The following KCNQ2 variants were observed in gnomAD, a reference collection of about 807,000 sequenced individuals.
KCNQ2 encodes potassium voltage-gated channel subfamily Q member 2.
In KCNQ2, 14 loss-of-function variants were observed where a neutral mutation model predicts 84.8. That is an observed-to-expected ratio of 0.17 (90% CI 0.11 to 0.26). The LOEUF is 0.26. Ranked by LOEUF, KCNQ2 falls within the 10% of genes least tolerant of loss-of-function variation. The pLI, the probability that KCNQ2 is intolerant of heterozygous loss-of-function variation, is 1.00. For missense variants in KCNQ2, 788 were observed against 1,254.0 expected, an observed-to-expected ratio of 0.63 and a Z score of 5.61; for synonymous variants, 599 against 554.1, an observed-to-expected ratio of 1.08 and a Z score of -1.14.
intron 8 of KCNQ2, chr20:63,433,548 C>T (rs1212338548): frequency 3.0e-6 from 2 of 664,098 alleles, no homozygotes; most frequent in Non-Finnish European, 5.0e-6. Flanking sequence ...GTCCTTGCAA[C>T]GCACAAAACA....
In KCNQ2 at chr20:63,407,136, A is replaced by G. The variant is rs113174319; in HGVS notation, c.2127T>C (p.Pro709=). The change falls in exon 17 of 17, where the codon CCT becomes CCC. Residue 709 remains proline, a synonymous_variant. Coordinates refer to ENST00000359125, the MANE Select transcript of KCNQ2 (RefSeq NM_172107.4). This position sits in a 1 kb window ranked among gnomAD's most constrained non-coding sequence, Gnocchi z 7.2. ...AGGAGGTGGAGGGCGGACACTGGAC[A>G]GGGGGCGCGGCCGGGGGCGCCGAGA... ...KNFSAPPAAP[P]VQCPPSTSWQ... 2.7e-5 allele frequency: 43 copies of G among 1,566,476 alleles called. 1 individual carries two copies. In the African/African-American group the frequency reaches 4.6e-4, roughly 17 times the overall value.
intron 4 of KCNQ2, among the ~76,000 whole-genome samples, chr20:63,443,130 C>T: frequency 1.0e-5 from 1 of 96,676 alleles, no homozygotes; most frequent in African/African-American, 4.0e-5. Context: ...TCACCACCAC[C>T]ACCATCATCA....
At chr20:63,449,770 G>A (rs1177207649) in intron 1 of KCNQ2, among the ~76,000 whole-genome samples, 1 of 152,214 alleles carries the variant, frequency 6.6e-6, no homozygotes, top group African/African-American at 2.4e-5. Flanking sequence ...CCTGCAGGGA[G>A]ACTTCTCAGA....
intron 11 of KCNQ2, among the ~76,000 whole-genome samples, chr20:63,421,520 G>A (rs2080469766): frequency 6.6e-6 from 1 of 152,168 alleles, no homozygotes; most frequent in South Asian, 2.1e-4. Flanking sequence ...ATCAGCCACA[G>A]GGAGCTCCAC....
Position 63,415,142 on chromosome 20 carries a change from C to CTGA in KCNQ2, c.1302-17_1302-16insTCA, listed in dbSNP as rs774805327. ...GACCTTCTGGCTGCTCCCACGGGAA[C>CTGA]CGACAGACAGACAGAAAAACAGGGA... On this transcript the variant is annotated splice_polypyrimidine_tract_variant and intron_variant, in intron 12 of 16. Transcript: ENST00000359125. 1.3e-5 allele frequency: 20 copies of CTGA among 1,495,116 alleles called. No homozygotes were observed. Among genetic ancestry groups the CTGA allele is most frequent in the East Asian group, 2.4e-5 (1 of 41,672 alleles). The allele number at this position is 1,495,116 out of a possible 1,614,324, so 92.6% of individuals were successfully genotyped here.
chr20:63,455,073 G>A (rs928605457), intron 1 of KCNQ2, among the ~76,000 whole-genome samples: 2 of 152,186 alleles, frequency 1.3e-5, no homozygotes, highest in Non-Finnish European at 2.9e-5. Context: ...AAAGAAAGAA[G>A]AGACTTCCTA....
chr20:63,440,573 G>A (rs149534958), intron 5 of KCNQ2, among the ~76,000 whole-genome samples: 1 of 152,202 alleles, frequency 6.6e-6, no homozygotes, highest in Non-Finnish European at 1.5e-5. Context: ...TGAGGGCAGA[G>A]TCTTAGATAA....
At chr20:63,442,897 C>T (rs879030640) in intron 4 of KCNQ2, among the ~76,000 whole-genome samples, 5 of 104,288 alleles carry the variant, frequency 4.8e-5, no homozygotes, top group East Asian at 6.6e-4. Context: ...CCATCACCAC[C>T]ATCACCACCA....
intron 8 of KCNQ2, among the ~76,000 whole-genome samples, chr20:63,432,043 G>A (rs2080814248): frequency 6.8e-6 from 1 of 148,014 alleles, no homozygotes; most frequent in Non-Finnish European, 1.5e-5. Flanking sequence ...CTCAGGGAAG[G>A]ATCCACCCAC....
At chr20:63,433,769 ATG>A (rs1270870111) in intron 8 of KCNQ2, 38 bp downstream of exon 8, 1 of 1,613,782 alleles carries the variant, frequency 6.2e-7, no homozygotes, top group East Asian at 2.2e-5. Context: ...AAAATAAAAA[ATG>A]AAACAGTTGC....
intron 7 of KCNQ2, chr20:63,434,755 C>CCGCGT (rs2080940176): frequency 6.6e-6 from 1 of 152,266 alleles, no homozygotes; most frequent in South Asian, 2.1e-4. Context: ...CGCGGCCCAT[C>CCGCGT]CGCGTCGTAG....
intron 11 of KCNQ2, chr20:63,423,836 G>T: frequency 2.5e-6 from 1 of 404,232 alleles, no homozygotes. Flanking sequence ...TGTGCCTGCA[G>T]CTGGAGGGAG....
intron 15 of KCNQ2, among the ~76,000 whole-genome samples, chr20:63,410,679 G>A (rs1568869456): frequency 6.6e-6 from 1 of 152,206 alleles, no homozygotes; most frequent in Admixed American, 6.5e-5. Flanking sequence ...CACGGGAGGA[G>A]CACGGGGCTG....
chr20:63,458,211 C>G (rs1316091446), intron 1 of KCNQ2, among the ~76,000 whole-genome samples: 1 of 152,180 alleles, frequency 6.6e-6, no homozygotes, highest in Non-Finnish European at 1.5e-5. Flanking sequence ...CCCACTGAGC[C>G]CGCAGAGAAG....
intron 1 of KCNQ2, among the ~76,000 whole-genome samples, chr20:63,457,408 A>G (rs2081831823): frequency 1.3e-5 from 2 of 152,266 alleles, no homozygotes; most frequent in Admixed American, 1.3e-4. Context: ...GACAGGACAC[A>G]GGTCAGGAAG....
rs10532345 is a variant in KCNQ2 at position 63,463,055 on chromosome 20, C to CTGTGTG, written c.296+9107_296+9112dup. Among the ~76,000 whole-genome samples the CTGTGTG allele has an allele frequency of 2.4e-3, 361 of 148,016 alleles. 1 individual carries two copies. Among genetic ancestry groups the CTGTGTG allele is most frequent in the African/African-American group, 6.5e-3 (262 of 40,092 alleles). ...TTCAGGGTTTCCGTGGGTGTCTTTT[C>CTGTGTG]TGTGTGTGTGTGTGTGTGTGTGTGT... is the stretch of plus-strand genomic sequence containing the variant. On this transcript the variant is annotated intron_variant, in intron 1 of 16. Coordinates refer to ENST00000359125, the MANE Select transcript of KCNQ2 (RefSeq NM_172107.4).
At chr20:63,453,526 C>T (rs2081678306) in intron 1 of KCNQ2, among the ~76,000 whole-genome samples, 2 of 152,192 alleles carry the variant, frequency 1.3e-5, no homozygotes, top group African/African-American at 2.4e-5. Context: ...GAACTCTCAG[C>T]GGGGTAGGAG....
intron 8 of KCNQ2, 96 bp downstream of exon 8, chr20:63,433,713 C>A: frequency 6.2e-7 from 1 of 1,601,828 alleles, no homozygotes; most frequent in Non-Finnish European, 8.5e-7. Context: ...GAAAAAAAAT[C>A]AATCAAAATA....
intron 9 of KCNQ2, among the ~76,000 whole-genome samples, chr20:63,429,028 C>T (rs1345162627): frequency 6.6e-6 from 1 of 151,998 alleles, no homozygotes; most frequent in Non-Finnish European, 1.5e-5. Flanking sequence ...CCTTCCCAGT[C>T]CTGGTCATAC....
Sources: allele counts gnomAD v4.1 joint callset (sites outside exome capture counted in the v4.1 genomes callset), GRCh38; gene constraint gnomAD v4.1.1; non-coding constraint Gnocchi (gnomAD v3.1); transcripts MANE v1.5; gene names NCBI Gene and HGNC (gene_info 2026-07-23, HGNC 2026-07-21).